The following ITPKB variants were observed in gnomAD, a reference collection of about 807,000 sequenced individuals.
ITPKB encodes inositol-trisphosphate 3-kinase B.
In ITPKB, 13 loss-of-function variants were observed where a neutral mutation model predicts 69.4. The observed-to-expected ratio is 0.19, with a 90% CI of 0.12 to 0.30. The LOEUF is 0.30. Ranked by LOEUF, ITPKB falls within the 10% of genes least tolerant of loss-of-function variation. The pLI is 1.00. For synonymous variants in ITPKB, 584 were observed against 513.7 expected (o/e 1.14, Z -1.85); for missense variants, 1,240 against 1,250.5 (o/e 0.99, Z 0.13).
intron 2 of ITPKB, among the ~76,000 whole-genome samples, chr1:226,710,141 C>G (rs1656907609): frequency 6.6e-6 from 1 of 152,140 alleles, no homozygotes; most frequent in African/African-American, 2.4e-5. Flanking sequence ...TAACAGGTAG[C>G]ATTGGAAAAG....
chr1:226,686,168 C>T (rs1451692002), intron 2 of ITPKB, among the ~76,000 whole-genome samples: 1 of 152,232 alleles, frequency 6.6e-6, no homozygotes, highest in East Asian at 1.9e-4. Flanking sequence ...CGAACCAGTT[C>T]TGTCTGCTCT....
chr1:226,685,664 A>T (rs1656190569), intron 2 of ITPKB, among the ~76,000 whole-genome samples: 1 of 152,146 alleles, frequency 6.6e-6, no homozygotes, highest in Admixed American at 6.5e-5. Flanking sequence ...TGTCTCTGTG[A>T]CCAGTGACAC....
intron 2 of ITPKB, among the ~76,000 whole-genome samples, chr1:226,671,298 G>T (rs1258293615): frequency 6.6e-6 from 1 of 152,172 alleles, no homozygotes; most frequent in Non-Finnish European, 1.5e-5. Flanking sequence ...AGACTGATGT[G>T]GGAAACCCTT....
At chr1:226,650,042 C>T (rs1395868466) in intron 2 of ITPKB, among the ~76,000 whole-genome samples, 1 of 152,120 alleles carries the variant, frequency 6.6e-6, no homozygotes, top group African/African-American at 2.4e-5. Flanking sequence ...GAGCAGAAGC[C>T]ATGTGGCTTG....
chr1:226,731,946 T>C (rs1039618627), intron 2 of ITPKB, among the ~76,000 whole-genome samples: 1 of 151,974 alleles, frequency 6.6e-6, no homozygotes, highest in African/African-American at 2.4e-5. Context: ...AGTGCCCCTC[T>C]AGGCTTTTAA....
intron 2 of ITPKB, among the ~76,000 whole-genome samples, chr1:226,658,117 G>A (rs1197167242): frequency 1.3e-5 from 2 of 152,234 alleles, no homozygotes; most frequent in Non-Finnish European, 2.9e-5. Context: ...GAGTCATTGA[G>A]TTTTCCATGT....
At chr1:226,705,634 G>A (rs932598753) in intron 2 of ITPKB, among the ~76,000 whole-genome samples, 2 of 151,906 alleles carry the variant, frequency 1.3e-5, no homozygotes, top group South Asian at 2.1e-4. Context: ...GGGCACATAC[G>A]GGCCTGAATA....
At chr1:226,673,470 G>A (rs1234753988) in intron 2 of ITPKB, among the ~76,000 whole-genome samples, 1 of 152,170 alleles carries the variant, frequency 6.6e-6, no homozygotes, top group Non-Finnish European at 1.5e-5. Context: ...GCTAACACAA[G>A]GGCCTTGGTT....
intron 2 of ITPKB, among the ~76,000 whole-genome samples, chr1:226,719,554 C>T (rs1208312781): frequency 6.6e-6 from 1 of 152,220 alleles, no homozygotes. Flanking sequence ...CCCCTTTAGG[C>T]CCTCACCCAT....
chr1:226,698,823 C>T (rs902531249), intron 2 of ITPKB, among the ~76,000 whole-genome samples: 2 of 152,224 alleles, frequency 1.3e-5, no homozygotes, highest in East Asian at 1.9e-4. Flanking sequence ...AGTCTCCAGA[C>T]AAGACTAGCT....
chr1:226,693,272 G>A (rs1046595317), intron 2 of ITPKB, among the ~76,000 whole-genome samples: 1 of 152,150 alleles, frequency 6.6e-6, no homozygotes, highest in Non-Finnish European at 1.5e-5. Context: ...AGATCTCTTC[G>A]GGCTTCTGGA....
chr1:226,662,099 T>G (rs1669413651), intron 2 of ITPKB, among the ~76,000 whole-genome samples: 2 of 152,218 alleles, frequency 1.3e-5, no homozygotes, highest in East Asian at 1.9e-4. Flanking sequence ...GAGGCTCTCG[T>G]GTTTCCTGAA....
chr1:226,690,838 A>G (rs1229779715), intron 2 of ITPKB, among the ~76,000 whole-genome samples: 2 of 152,220 alleles, frequency 1.3e-5, no homozygotes, highest in Admixed American at 1.3e-4. Context: ...AGATGACTGG[A>G]TAAACAAAAT....
intron 2 of ITPKB, among the ~76,000 whole-genome samples, chr1:226,686,871 G>T (rs550923181): frequency 1.3e-5 from 2 of 152,248 alleles, no homozygotes; most frequent in African/African-American, 2.4e-5. Context: ...GCAATGGGAG[G>T]GGACAGAGCA....
chr1:226,672,569 G>A (rs1001863127), intron 2 of ITPKB, among the ~76,000 whole-genome samples: 2 of 152,178 alleles, frequency 1.3e-5, no homozygotes, highest in Non-Finnish European at 2.9e-5. Flanking sequence ...ATATTAGGTC[G>A]ACAAGACCAC....
At chr1:226,646,251 C>T (rs538528998) in intron 4 of ITPKB, among the ~76,000 whole-genome samples, 81 of 152,214 alleles carry the variant, frequency 5.3e-4, no homozygotes, top group Non-Finnish European at 8.5e-4. Context: ...ACATGAGCAC[C>T]GCACGCTGGA....
chr1:226,675,607 G>A (rs1446319677), intron 2 of ITPKB, among the ~76,000 whole-genome samples: 2 of 152,146 alleles, frequency 1.3e-5, no homozygotes, highest in East Asian at 1.9e-4. Flanking sequence ...CCAGTTCTGC[G>A]ATTTACTAGT....
intron 2 of ITPKB, among the ~76,000 whole-genome samples, chr1:226,712,218 G>A (rs1445295951): frequency 6.6e-6 from 1 of 152,198 alleles, no homozygotes; most frequent in South Asian, 2.1e-4. Context: ...GGCTCACTGC[G>A]AGGCAACCCC....
chr1:226,668,469 G>A (rs1309207754), intron 2 of ITPKB, among the ~76,000 whole-genome samples: 3 of 152,178 alleles, frequency 2.0e-5, no homozygotes, highest in African/African-American at 7.2e-5. Context: ...CACAGTCATT[G>A]TAAAGACAAA....
Sources: gnomAD v4.1 joint callset for allele counts (sites outside exome capture counted in the v4.1 genomes callset) on GRCh38, gnomAD v4.1.1 for gene constraint, MANE v1.5 for transcripts, NCBI Gene and HGNC (gene_info 2026-07-23, HGNC 2026-07-21) for gene names.